Variants in CLNK observed in about 807,000 individuals in gnomAD.
CLNK encodes the protein cytokine-dependent hematopoietic cell linker.
A neutral mutation model predicts 68.6 loss-of-function variants in CLNK; 74 were observed. The observed-to-expected ratio is 1.08, with a 90% CI of 0.89 to 1.31. CLNK has a LOEUF of 1.31. Among genes scored for constraint, CLNK ranks in the 50% most tolerant of loss-of-function variants. CLNK has a pLI of 0.00. For missense variants in CLNK, 553 were observed against 515.3 expected (o/e 1.07, Z -0.71); for synonymous variants, 198 against 172.2 (o/e 1.15, Z -1.17).
chr4:10,652,635 T>C (rs1723790869), intron 2 of CLNK, among the ~76,000 whole-genome samples: 2 of 152,170 alleles, frequency 1.3e-5, no homozygotes, highest in African/African-American at 2.4e-5. Context: ...AAAAATTAGT[T>C]CACCAGGAGG....
intron 2 of CLNK, among the ~76,000 whole-genome samples, chr4:10,615,738 T>C (rs1439081004): frequency 1.3e-5 from 2 of 152,180 alleles, no homozygotes. Context: ...ATGATGAAGG[T>C]AAAATAACCT....
intron 2 of CLNK, among the ~76,000 whole-genome samples, chr4:10,665,611 C>A (rs942583329): frequency 4.2e-5 from 6 of 141,504 alleles, no homozygotes; most frequent in African/African-American, 1.6e-4. Context: ...TTGCAGTGAG[C>A]TGAGATCATG....
intron 2 of CLNK, among the ~76,000 whole-genome samples, chr4:10,652,804 T>C (rs951355388): frequency 2.0e-5 from 3 of 152,218 alleles, no homozygotes; most frequent in Non-Finnish European, 2.9e-5. Flanking sequence ...CATGCAATTA[T>C]GGTGGTATCT....
the CLNK span, among the ~76,000 whole-genome samples, chr4:10,712,392 C>T: frequency 1.3e-5 from 2 of 152,196 alleles, no homozygotes; most frequent in Non-Finnish European, 2.9e-5. Context: ...ACATAACTGA[C>T]TTCATCTTGC....
chr4:10,610,033 GTTTTTTTTTTT>G (rs71181047), intron 2 of CLNK, among the ~76,000 whole-genome samples: 13 of 73,446 alleles, frequency 1.8e-4, no homozygotes, highest in Non-Finnish European at 1.9e-4. Context: ...ATGAATGCTC[GTTTTTTTTTTT>G]TTTTTTTTTT....
rs567577365 is a variant in CLNK at position 10,615,732 on chromosome 4, T to G, written c.12-17683A>C. On this transcript the variant is annotated intron_variant, in intron 2 of 18. Transcript: ENST00000226951. ...ACCTGTCTTTACAGTGGTGCTATGA[T>G]GAAGGTAAAATAACCTTGATTTACA... 1.4e-4 allele frequency among the ~76,000 whole-genome samples: 22 copies of G among 152,318 alleles called. No individual in the cohort carries two copies. The East Asian group carries it at 3.7e-3, about 25-fold the overall frequency.
chr4:10,524,027 AAAGAAAGG>A (rs938576937), intron 14 of CLNK: 3 of 235,600 alleles, frequency 1.3e-5, no homozygotes, highest in South Asian at 4.3e-5. Flanking sequence ...AAAAAGAAAG[AAAGAAAGG>A]AAGAAAGGAA....
chr4:10,699,293 C>CACACACACCACGTATGTGTGTAT, the CLNK span, among the ~76,000 whole-genome samples: 1 of 15,664 alleles, frequency 6.4e-5, no homozygotes, highest in Admixed American at 7.3e-4. Flanking sequence ...TACGTGTATA[C>CACACACACCACGTATGTGTGTAT]ACACACACAC....
intron 4 of CLNK, among the ~76,000 whole-genome samples, chr4:10,572,134 A>T (rs1393746873): frequency 6.6e-6 from 1 of 152,234 alleles, no homozygotes; most frequent in Non-Finnish European, 1.5e-5. Flanking sequence ...GCAGCAGCTC[A>T]GCTAATGATG....
At chr4:10,593,983 C>A (rs758794284) in intron 3 of CLNK, among the ~76,000 whole-genome samples, 15 of 152,174 alleles carry the variant, frequency 9.9e-5, no homozygotes, top group Admixed American at 8.5e-4. Flanking sequence ...GAGGACTTGG[C>A]AAGCCCTTCA....
At chr4:10,642,611 T>A (rs1723351743) in intron 2 of CLNK, among the ~76,000 whole-genome samples, 1 of 152,126 alleles carries the variant, frequency 6.6e-6, no homozygotes, top group South Asian at 2.1e-4. Context: ...CCTGTATGCA[T>A]GTGGGTAAGT....
At chr4:10,625,994 G>T (rs984485601) in intron 2 of CLNK, among the ~76,000 whole-genome samples, 3 of 152,232 alleles carry the variant, frequency 2.0e-5, no homozygotes, top group Non-Finnish European at 4.4e-5. Context: ...AAACATTCGT[G>T]TGTGGAAATG....
At chr4:10,503,971 C>A (rs1191497550) in intron 17 of CLNK, among the ~76,000 whole-genome samples, 1 of 150,622 alleles carries the variant, frequency 6.6e-6, no homozygotes, top group Non-Finnish European at 1.5e-5. Context: ...TTTGTAGAGA[C>A]GGGGTTTCAC....
chr4:10,608,404 C>T (rs368738934), intron 2 of CLNK, among the ~76,000 whole-genome samples: 2 of 152,306 alleles, frequency 1.3e-5, no homozygotes, highest in African/African-American at 4.8e-5. Context: ...TCTTCTGGTA[C>T]CAGCACAGAT....
At chr4:10,700,098 A>G in the CLNK span, among the ~76,000 whole-genome samples, 1 of 151,842 alleles carries the variant, frequency 6.6e-6, no homozygotes, top group Non-Finnish European at 1.5e-5. Context: ...TTGCATTTCA[A>G]TAGAAATCAG....
At chr4:10,698,135 G>A in the CLNK span, among the ~76,000 whole-genome samples, 1 of 152,174 alleles carries the variant, frequency 6.6e-6, no homozygotes, top group East Asian at 1.9e-4. Flanking sequence ...GAGGTGGTTT[G>A]TAAATTCCTT....
chr4:10,527,972 C>T, intron 13 of CLNK, 104 bp downstream of exon 13: 1 of 565,568 alleles, frequency 1.8e-6, no homozygotes, highest in East Asian at 3.5e-5. Flanking sequence ...CCATCCCAGG[C>T]TTCCAAACAA....
intron 1 of CLNK, among the ~76,000 whole-genome samples, chr4:10,674,884 C>G (rs1003060036): frequency 2.0e-5 from 3 of 151,894 alleles, no homozygotes; most frequent in African/African-American, 7.3e-5. Flanking sequence ...TGTCAGTTTG[C>G]TAAGAATGAT....
chr4:10,688,130 G>A (rs1335880293), upstream of CLNK, among the ~76,000 whole-genome samples: 1 of 152,154 alleles, frequency 6.6e-6, no homozygotes, highest in Non-Finnish European at 1.5e-5. Flanking sequence ...GCTATAATTA[G>A]CATTAGCCCG....
Sources: allele counts gnomAD v4.1 joint callset (sites outside exome capture counted in the v4.1 genomes callset), GRCh38; gene constraint gnomAD v4.1.1; transcripts MANE v1.5; gene names NCBI Gene and HGNC (gene_info 2026-07-23, HGNC 2026-07-21).